The following MLLT3 variants were observed in gnomAD, a reference collection of about 807,000 sequenced individuals.
The protein encoded by MLLT3 is MLLT3 super elongation complex subunit.
A neutral mutation model predicts 53.2 loss-of-function variants in MLLT3; 4 were observed. That is an observed-to-expected ratio of 0.08 (90% CI 0.04 to 0.17). MLLT3 has a LOEUF of 0.17. Ranked by LOEUF, MLLT3 falls within the 10% of genes least tolerant of loss-of-function variation. The pLI is 1.00. For missense variants in MLLT3, 569 were observed against 684.0 expected, an observed-to-expected ratio of 0.83 and a Z score of 1.87; for synonymous variants, 283 against 230.6, an observed-to-expected ratio of 1.23 and a Z score of -2.06.
At chr9:20,528,226 G>C (rs75934329) in intron 2 of MLLT3, among the ~76,000 whole-genome samples, 4,944 of 152,276 alleles carry the variant, frequency 0.032, 252 homozygotes, top group African/African-American at 0.11. Context: ...CACTGGGTGT[G>C]TGTATAAATA....
At chr9:20,473,635 T>G (rs1389533450) in intron 2 of MLLT3, among the ~76,000 whole-genome samples, 1 of 152,052 alleles carries the variant, frequency 6.6e-6, no homozygotes, top group African/African-American at 2.4e-5. Flanking sequence ...TATTCAAGCT[T>G]AATCCACCAG....
At chr9:20,475,366 A>C (rs968802658) in intron 2 of MLLT3, among the ~76,000 whole-genome samples, 7 of 152,104 alleles carry the variant, frequency 4.6e-5, no homozygotes, top group African/African-American at 1.7e-4. Flanking sequence ...TCACAAAGAT[A>C]CCCATCAAAT....
intron 2 of MLLT3, among the ~76,000 whole-genome samples, chr9:20,598,827 T>C (rs1820341190): frequency 6.6e-6 from 1 of 152,198 alleles, no homozygotes; most frequent in South Asian, 2.1e-4. Context: ...TTTAAGCAAA[T>C]CACAACATAA....
intron 2 of MLLT3, among the ~76,000 whole-genome samples, chr9:20,572,729 G>C (rs528741309): frequency 6.6e-6 from 1 of 152,198 alleles, no homozygotes; most frequent in Non-Finnish European, 1.5e-5. Flanking sequence ...TGGAGGCAGA[G>C]ATTGCAGTGA....
intron 5 of MLLT3, among the ~76,000 whole-genome samples, chr9:20,378,238 G>A (rs1425058210): frequency 1.3e-5 from 2 of 151,912 alleles, no homozygotes; most frequent in Admixed American, 6.6e-5. Flanking sequence ...CATACATTGG[G>A]GATACAGGTT....
rs1820865956 is a variant in MLLT3, at chr9:20,346,335, T to C, written c.*108A>G. The C allele has an allele frequency of 1.7e-6, 2 of 1,144,726 alleles. No individual in the cohort carries two copies. Among genetic ancestry groups the C allele is most frequent in the South Asian group, 3.6e-5 (2 of 56,104 alleles). 70.9% of individuals were successfully genotyped at this position (1,144,726 alleles called of 1,614,324 possible). On this transcript the variant is annotated 3_prime_UTR_variant, in exon 11 of 11. Transcript: ENST00000380338. Reference sequence around the variant, plus strand: ...TATTTTTTCCCTTTTGGTTGCATCATTTTGAGTGTTTTCATATAAACAACA... The same window carrying C: ...TATTTTTTCCCTTTTGGTTGCATCACTTTGAGTGTTTTCATATAAACAACA...
chr9:20,525,828 G>A (rs929105301), intron 2 of MLLT3, among the ~76,000 whole-genome samples: 9 of 152,280 alleles, frequency 5.9e-5, no homozygotes, highest in African/African-American at 1.7e-4. Context: ...TCACAAGACC[G>A]ATTGTAGTCT....
intron 2 of MLLT3, among the ~76,000 whole-genome samples, chr9:20,525,365 G>T (rs140365487): frequency 1.3e-5 from 2 of 152,064 alleles, no homozygotes; most frequent in African/African-American, 4.8e-5. Flanking sequence ...GTGTGGTGGC[G>T]TGCACATGTA....
chr9:20,552,155 C>A (rs1818940715), intron 2 of MLLT3, among the ~76,000 whole-genome samples: 3 of 152,194 alleles, frequency 2.0e-5, no homozygotes, highest in African/African-American at 7.2e-5. Context: ...GGACAGTGAG[C>A]AACAGTAGCA....
chr9:20,496,793 T>C (rs925701547), intron 2 of MLLT3, among the ~76,000 whole-genome samples: 8 of 152,168 alleles, frequency 5.3e-5, no homozygotes, highest in Admixed American at 1.3e-4. Flanking sequence ...TTATCTTTGC[T>C]CTTCTCAAAT....
Position 20,572,213 on chromosome 9 carries a change from G to C in MLLT3, c.193+48441C>G, listed in dbSNP as rs570792330. The stretch of plus-strand genomic sequence containing the variant: ...GTGGTTACCAGGGGCAGGGACAGAG[G>C]GGTGGAGGAATGGGGAGATGTTGGC... On this transcript the variant is annotated intron_variant, in intron 2 of 10. Coordinates refer to ENST00000380338, the MANE Select transcript of MLLT3 (RefSeq NM_004529.4). Among the ~76,000 whole-genome samples, 17 of 152,304 alleles carry C rather than the reference G, an allele frequency of 1.1e-4. No homozygotes were observed. The South Asian group carries it at 3.3e-3, about 30-fold the overall frequency.
intron 2 of MLLT3, among the ~76,000 whole-genome samples, chr9:20,498,947 C>T (rs1237783191): frequency 6.6e-6 from 1 of 152,172 alleles, no homozygotes; most frequent in Non-Finnish European, 1.5e-5. Flanking sequence ...TGGCTTGAAA[C>T]AACAGGAATT....
intron 10 of MLLT3, among the ~76,000 whole-genome samples, chr9:20,346,863 T>C (rs546150336): frequency 6.6e-6 from 1 of 152,172 alleles, no homozygotes; most frequent in South Asian, 2.1e-4. Context: ...AGTGAGCAGT[T>C]AGGGGGAGAT....
At chr9:20,568,787 C>T (rs963052312) in intron 2 of MLLT3, among the ~76,000 whole-genome samples, 16 of 152,052 alleles carry the variant, frequency 1.1e-4, no homozygotes, top group Non-Finnish European at 2.2e-4. Flanking sequence ...TTGTTATGTA[C>T]AAAAAACTTG....
chr9:20,602,732 C>G (rs1461565167), intron 2 of MLLT3, among the ~76,000 whole-genome samples: 1 of 151,058 alleles, frequency 6.6e-6, no homozygotes, highest in African/African-American at 2.4e-5. Flanking sequence ...TACTGCCAGG[C>G]TCTTGTAACA....
intron 4 of MLLT3, among the ~76,000 whole-genome samples, chr9:20,446,611 C>A (rs775531145): frequency 6.6e-6 from 1 of 151,960 alleles, no homozygotes; most frequent in African/African-American, 2.4e-5. Flanking sequence ...ACTACACAAC[C>A]CAAGAGAGAT....
chr9:20,449,613 C>T (rs1421839022), intron 3 of MLLT3, among the ~76,000 whole-genome samples: 2 of 152,124 alleles, frequency 1.3e-5, no homozygotes. Flanking sequence ...TTTCTTTTGA[C>T]TCAAGGGTCT....
chr9:20,507,183 G>C (rs1825403397), intron 2 of MLLT3, among the ~76,000 whole-genome samples: 1 of 152,160 alleles, frequency 6.6e-6, no homozygotes, highest in Admixed American at 6.5e-5. Context: ...TAAAAGAAGG[G>C]AAAGGGGACT....
At chr9:20,554,783 C>T (rs1455758806) in intron 2 of MLLT3, among the ~76,000 whole-genome samples, 1 of 152,120 alleles carries the variant, frequency 6.6e-6, no homozygotes, top group Non-Finnish European at 1.5e-5. Context: ...CGAAACCTGG[C>T]TTTTTGCTTT....
Sources: gnomAD v4.1 joint callset for allele counts (sites outside exome capture counted in the v4.1 genomes callset) on GRCh38, gnomAD v4.1.1 for gene constraint, MANE v1.5 for transcripts, NCBI Gene and HGNC (gene_info 2026-07-23, HGNC 2026-07-21) for gene names.